The following ARB2A variants were observed in gnomAD, a reference collection of about 807,000 sequenced individuals.
The protein encoded by ARB2A is cotranscriptional regulator ARB2A.
At chr5:93,790,649 G>C in the ARB2A span, among the ~76,000 whole-genome samples, 1 of 152,162 alleles carries the variant, frequency 6.6e-6, no homozygotes, top group Non-Finnish European at 1.5e-5. Flanking sequence ...CTTTCAGAAT[G>C]GCTTGAGCTG....
the ARB2A span, among the ~76,000 whole-genome samples, chr5:93,782,621 C>T: frequency 6.6e-6 from 1 of 152,048 alleles, no homozygotes; most frequent in African/African-American, 2.4e-5. Flanking sequence ...GAGACTGTAA[C>T]AACAACAGCT....
chr5:93,741,346 C>T, the ARB2A span: 7 of 1,611,336 alleles, frequency 4.3e-6, no homozygotes, highest in African/African-American at 2.7e-5. Flanking sequence ...TATCCAGCCC[C>T]GGAATTCGTG....
At chr5:93,932,271 A>AT in the ARB2A span, among the ~76,000 whole-genome samples, 1 of 152,090 alleles carries the variant, frequency 6.6e-6, no homozygotes, top group Non-Finnish European at 1.5e-5. Flanking sequence ...ACTAAAAAAC[A>AT]TTTTTTTCCC....
the ARB2A span, among the ~76,000 whole-genome samples, chr5:94,002,201 C>T: frequency 1.3e-5 from 2 of 151,964 alleles, no homozygotes; most frequent in African/African-American, 4.8e-5. Flanking sequence ...AACTAATTTA[C>T]CCTGAGGGTA....
At chr5:93,662,834 T>C in the ARB2A span, among the ~76,000 whole-genome samples, 2 of 152,228 alleles carry the variant, frequency 1.3e-5, no homozygotes, top group Non-Finnish European at 2.9e-5. Flanking sequence ...TACAACAAAA[T>C]AGCTGAGACT....
At chr5:94,028,672 C>CA in the ARB2A span, among the ~76,000 whole-genome samples, 46 of 152,228 alleles carry the variant, frequency 3.0e-4, no homozygotes, top group African/African-American at 8.7e-4. Flanking sequence ...AAAAATAGTA[C>CA]AAAAACCACC....
the ARB2A span, among the ~76,000 whole-genome samples, chr5:93,829,747 T>C: frequency 6.6e-6 from 1 of 152,142 alleles, no homozygotes; most frequent in Non-Finnish European, 1.5e-5. Context: ...AATAAAACAG[T>C]TGGAAGGAAA....
chr5:93,728,603 T>C, the ARB2A span, among the ~76,000 whole-genome samples: 1 of 152,032 alleles, frequency 6.6e-6, no homozygotes, highest in Non-Finnish European at 1.5e-5. Flanking sequence ...GGCCAGTGGA[T>C]CTGCTAAACC....
chr5:93,960,083 C>CA, the ARB2A span, among the ~76,000 whole-genome samples: 1 of 114,236 alleles, frequency 8.8e-6, no homozygotes, highest in Non-Finnish European at 1.6e-5. Context: ...CTCTAGATGC[C>CA]CCCCCCCCCC....
the ARB2A span, among the ~76,000 whole-genome samples, chr5:93,900,092 TA>T: frequency 1.3e-5 from 2 of 152,158 alleles, no homozygotes; most frequent in East Asian, 3.8e-4. Flanking sequence ...CAGGAATCCA[TA>T]AATCAATTAA....
chr5:93,870,764 T>C, the ARB2A span, among the ~76,000 whole-genome samples: 6 of 152,224 alleles, frequency 3.9e-5, no homozygotes, highest in Non-Finnish European at 8.8e-5. Flanking sequence ...GGAAGCCAAC[T>C]ACACATAAAT....
At chr5:93,740,869 C>T in the ARB2A span, 1 of 1,613,996 alleles carries the variant, frequency 6.2e-7, no homozygotes, top group South Asian at 1.1e-5. Context: ...GGGCTTAGGG[C>T]ACCGCTGGAA....
the ARB2A span, among the ~76,000 whole-genome samples, chr5:93,995,641 G>A: frequency 1.3e-5 from 2 of 152,158 alleles, no homozygotes; most frequent in Non-Finnish European, 2.9e-5. Flanking sequence ...TTTCAACTAT[G>A]TGAGGAGTCA....
the ARB2A span, among the ~76,000 whole-genome samples, chr5:93,904,446 C>T: frequency 6.6e-6 from 1 of 151,734 alleles, no homozygotes; most frequent in Non-Finnish European, 1.5e-5. Context: ...TCCTTTAAGG[C>T]CTATGGAAAA....
the ARB2A span, chr5:93,619,762 C>G: frequency 1.3e-5 from 2 of 152,134 alleles, no homozygotes; most frequent in Non-Finnish European, 1.5e-5. Flanking sequence ...CACATCTTAG[C>G]TGGATTAAAA....
At chr5:93,893,124 A>G in the ARB2A span, among the ~76,000 whole-genome samples, 1 of 152,062 alleles carries the variant, frequency 6.6e-6, no homozygotes, top group African/African-American at 2.4e-5. Context: ...ATAAAACCTA[A>G]TTTTAATTTA....
the ARB2A span, among the ~76,000 whole-genome samples, chr5:93,960,794 A>C: frequency 6.6e-6 from 1 of 152,250 alleles, no homozygotes; most frequent in Non-Finnish European, 1.5e-5. Context: ...TGACATAACT[A>C]TAATTTTATT....
At chr5:93,850,924 A>C in the ARB2A span, among the ~76,000 whole-genome samples, 1 of 152,290 alleles carries the variant, frequency 6.6e-6, no homozygotes. Context: ...TTTTAAAATT[A>C]AATCAGTATA....
the ARB2A span, among the ~76,000 whole-genome samples, chr5:93,981,603 T>C: frequency 3.3e-5 from 5 of 151,960 alleles, no homozygotes; most frequent in African/African-American, 7.2e-5. Context: ...TTTCTGGAGA[T>C]TTCTCAATCC....
Sources: allele counts gnomAD v4.1 joint callset (sites outside exome capture counted in the v4.1 genomes callset), GRCh38; gene constraint gnomAD v4.1.1; transcripts MANE v1.5; gene names NCBI Gene and HGNC (gene_info 2026-07-23, HGNC 2026-07-21).